Variants in CMTM7 observed in about 807,000 individuals in gnomAD.
The protein encoded by CMTM7 is CKLF like MARVEL transmembrane domain containing 7.
A neutral mutation model predicts 19.3 loss-of-function variants in CMTM7; 7 were observed. The observed-to-expected ratio is 0.36, with a 90% CI of 0.21 to 0.68. The LOEUF is 0.68. Ranked by LOEUF, CMTM7 falls within the 30% of genes least tolerant of loss-of-function variation. CMTM7 has a pLI of 0.60. For missense variants in CMTM7, 193 were observed against 232.6 expected, an observed-to-expected ratio of 0.83 and a Z score of 1.11; for synonymous variants, 87 against 99.3, an observed-to-expected ratio of 0.88 and a Z score of 0.74.
chr3:32,404,149 T>TTG (rs1458054189), intron 1 of CMTM7, among the ~76,000 whole-genome samples: 1 of 72,558 alleles, frequency 1.4e-5, no homozygotes, highest in African/African-American at 3.7e-5. Flanking sequence ...TTTCTTTTTT[T>TTG]TTCTTTTTTT....
chr3:32,417,606 T>G (rs1696286849), intron 1 of CMTM7, among the ~76,000 whole-genome samples: 1 of 152,254 alleles, frequency 6.6e-6, no homozygotes, highest in Non-Finnish European at 1.5e-5. Flanking sequence ...GGTCGTACGT[T>G]AAGTATATAT....
At position 32,441,965 on chromosome 3, in the gene CMTM7, C is replaced by T. The variant is rs748994901; in HGVS notation, c.285C>T (p.His95=). The T allele has an allele frequency of 6.2e-7, 1 of 1,614,174 alleles. No homozygotes were observed. Among genetic ancestry groups the T allele is most frequent in the Non-Finnish European group, 8.5e-7 (1 of 1,180,038 alleles). Residue 95 remains histidine (H), a synonymous_variant, in exon 2 of 5, where the codon CAC becomes CAT. Transcript: ENST00000334983. ...TGATCCTCGCCTTTTACCTGGTCCA[C>T]CTCTTCCGCTTCTACCGCGTGCTCA... is the stretch of plus-strand genomic sequence containing the variant. ...LIMILAFYLV[H]LFRFYRVLTC...
intron 1 of CMTM7, among the ~76,000 whole-genome samples, chr3:32,412,610 G>GTTT (rs59220521): frequency 0.084 from 11,975 of 142,402 alleles, 878 homozygotes; most frequent in African/African-American, 0.16. Flanking sequence ...TAGACCTAGC[G>GTTT]TTTTTTTTTA....
chr3:32,400,395 TC>T (rs1695983799), intron 1 of CMTM7, among the ~76,000 whole-genome samples: 1 of 68,392 alleles, frequency 1.5e-5, no homozygotes, highest in Non-Finnish European at 3.2e-5. Context: ...TTTTTCTTCT[TC>T]TTCTTTTTTT....
intron 1 of CMTM7, among the ~76,000 whole-genome samples, chr3:32,404,162 C>CTTTTTTTTTTTTTTTTTT: frequency 1.3e-5 from 1 of 74,670 alleles, no homozygotes; most frequent in South Asian, 5.5e-4. Context: ...CTTTTTTTTT[C>CTTTTTTTTTTTTTTTTTT]TTTTTTTTTT....
At chr3:32,439,783 C>A (rs1696648596) in intron 1 of CMTM7, among the ~76,000 whole-genome samples, 1 of 152,150 alleles carries the variant, frequency 6.6e-6, no homozygotes, top group African/African-American at 2.4e-5. Context: ...TGATTTAATT[C>A]TCATTGTAGA....
intron 1 of CMTM7, among the ~76,000 whole-genome samples, chr3:32,440,725 C>G (rs1696662416): frequency 6.6e-6 from 1 of 152,198 alleles, no homozygotes; most frequent in Non-Finnish European, 1.5e-5. Flanking sequence ...TTGCAGTGAG[C>G]TGAGATTGGT....
chr3:32,411,824 A>G (rs1696179259), intron 1 of CMTM7, among the ~76,000 whole-genome samples: 1 of 152,218 alleles, frequency 6.6e-6, no homozygotes, highest in Admixed American at 6.5e-5. Flanking sequence ...CACGCCTCTA[A>G]TCCCAACACT....
chr3:32,420,107 G>C (rs180831099), intron 1 of CMTM7, among the ~76,000 whole-genome samples: 2 of 152,344 alleles, frequency 1.3e-5, no homozygotes, highest in East Asian at 3.9e-4. Flanking sequence ...GGTCCCTGTT[G>C]TCACCTTAGA....
intron 2 of CMTM7, among the ~76,000 whole-genome samples, chr3:32,445,251 G>A (rs929679417): frequency 1.3e-5 from 2 of 152,166 alleles, no homozygotes; most frequent in African/African-American, 4.8e-5. Context: ...GACAAATATT[G>A]AATAGAAATG....
chr3:32,452,742 T>G (rs1256025753), intron 4 of CMTM7, among the ~76,000 whole-genome samples: 2 of 151,314 alleles, frequency 1.3e-5, no homozygotes, highest in Admixed American at 1.3e-4. Context: ...CCTTTCTTTC[T>G]TTTTCTTTAC....
At chr3:32,414,066 G>A (rs1429068211) in intron 1 of CMTM7, among the ~76,000 whole-genome samples, 1 of 152,226 alleles carries the variant, frequency 6.6e-6, no homozygotes, top group African/African-American at 2.4e-5. Context: ...AGTGCTCCTC[G>A]GAGTATCAGC....
At chr3:32,412,114 C>T (rs956465371) in intron 1 of CMTM7, among the ~76,000 whole-genome samples, 3 of 152,202 alleles carry the variant, frequency 2.0e-5, no homozygotes, top group Non-Finnish European at 4.4e-5. Context: ...CCAACATCCG[C>T]ACCATAGCTA....
chr3:32,435,278 C>G (rs1696581393), intron 1 of CMTM7, among the ~76,000 whole-genome samples: 1 of 152,082 alleles, frequency 6.6e-6, no homozygotes, highest in Non-Finnish European at 1.5e-5. Flanking sequence ...GTGGTGCATG[C>G]TTGTAGTCCC....
chr3:32,424,277 G>A (rs949543575), intron 1 of CMTM7, among the ~76,000 whole-genome samples: 2 of 152,172 alleles, frequency 1.3e-5, no homozygotes, highest in East Asian at 3.9e-4. Flanking sequence ...GGTTCCTAGG[G>A]CGAGCAGCCT....
chr3:32,395,138 G>A (rs971111019), intron 1 of CMTM7, among the ~76,000 whole-genome samples: 2 of 151,950 alleles, frequency 1.3e-5, no homozygotes, highest in Non-Finnish European at 2.9e-5. Context: ...CGAGTAGCTG[G>A]GACTATAGGC....
chr3:32,429,275 T>C (rs1223200168), intron 1 of CMTM7, among the ~76,000 whole-genome samples: 2 of 150,788 alleles, frequency 1.3e-5, no homozygotes, highest in Non-Finnish European at 2.9e-5. Context: ...TAATTCTTTC[T>C]CTAAGCTTAT....
chr3:32,422,777 A>G lies in CMTM7; in HGVS notation c.160-19063A>G, dbSNP rs551277152. ...GTCAAAAACGCATTTAATACCCTCA[A>G]CCTACCAAACATTATAGCTTAGCCT... On this transcript the variant is annotated intron_variant, in intron 1 of 4. Transcript: ENST00000334983. Among the ~76,000 whole-genome samples, 18 of 152,256 alleles carry G rather than the reference A, an allele frequency of 1.2e-4. No individual in the cohort carries two copies. In the East Asian group the frequency reaches 3.3e-3, roughly 28 times the overall value.
chr3:32,421,438 C>G (rs1246653564), intron 1 of CMTM7, among the ~76,000 whole-genome samples: 2 of 152,208 alleles, frequency 1.3e-5, no homozygotes, highest in African/African-American at 4.8e-5. Context: ...ACCCCTATGC[C>G]TTCTGTGGCT....
Sources: allele counts gnomAD v4.1 joint callset (sites outside exome capture counted in the v4.1 genomes callset), GRCh38; gene constraint gnomAD v4.1.1; transcripts MANE v1.5; gene names NCBI Gene and HGNC (gene_info 2026-07-23, HGNC 2026-07-21).